The following COLQ variants were observed in gnomAD, a reference collection of about 807,000 sequenced individuals.
The protein encoded by COLQ is acetylcholinesterase collagenic tail peptide.
In COLQ, 48 loss-of-function variants were observed where a neutral mutation model predicts 69.0. The ratio of observed to expected loss-of-function variants is 0.70; its 90% CI spans 0.55 to 0.88. The LOEUF is 0.88. Among genes scored for constraint, COLQ ranks in the 40% least tolerant of loss-of-function variants. COLQ has a pLI of 0.00. For synonymous variants in COLQ, 217 were observed against 211.2 expected (o/e 1.03, Z -0.24); for missense variants, 618 against 594.6 (o/e 1.04, Z -0.41).
At chr3:15,513,195 A>G (rs527879364) in intron 1 of COLQ, among the ~76,000 whole-genome samples, 1 of 152,266 alleles carries the variant, frequency 6.6e-6, no homozygotes, top group East Asian at 1.9e-4. Flanking sequence ...CTGGATCCCA[A>G]CTTCTGCATC....
At chr3:15,487,955 C>T (rs2125136499) in intron 3 of COLQ, among the ~76,000 whole-genome samples, 1 of 152,274 alleles carries the variant, frequency 6.6e-6, no homozygotes, top group East Asian at 1.9e-4. Flanking sequence ...ATTTGATTCC[C>T]CCAAAATTCA....
intron 12 of COLQ, among the ~76,000 whole-genome samples, chr3:15,461,198 G>GCCCC (rs1424356885): frequency 6.9e-6 from 1 of 145,250 alleles, no homozygotes; most frequent in Non-Finnish European, 1.5e-5. Context: ...TTCCCCCCCC[G>GCCCC]ACCTCTTAGC....
At chr3:15,478,813 G>A (rs2062425191) in intron 5 of COLQ, 164 bp downstream of exon 5, 1 of 817,420 alleles carries the variant, frequency 1.2e-6, no homozygotes, top group African/African-American at 1.7e-5. Flanking sequence ...TTGACAGAAA[G>A]GGCAAGGTTA....
At chr3:15,466,600 C>T (rs745394549) in intron 11 of COLQ, among the ~76,000 whole-genome samples, 163 bp from the exon 12 acceptor site, 1 of 152,346 alleles carries the variant, frequency 6.6e-6, no homozygotes, top group South Asian at 2.1e-4. Flanking sequence ...AAGCTTAGGG[C>T]AAGTGACATT....
Position 15,469,090 on chromosome 3 carries a change from C to T in COLQ, c.717+1446G>A, listed in dbSNP as rs191659352. On this transcript the variant is annotated intron_variant, in intron 11 of 16. Coordinates refer to ENST00000383788, the MANE Select transcript of COLQ (RefSeq NM_005677.4). ...ACAATTCGTTATCTCCCAACTGGAA[C>T]GACCCCAACACCGAGGGTTTGCAGC... Among the ~76,000 whole-genome samples the T allele has an allele frequency of 1.2e-4, 18 of 152,288 alleles. 1 individual carries two copies. The highest frequency in any genetic ancestry group is 9.7e-4 in the East Asian group (5 of 5,176).
At chr3:15,508,759 G>A (rs1394820765) in intron 1 of COLQ, among the ~76,000 whole-genome samples, 1 of 151,794 alleles carries the variant, frequency 6.6e-6, no homozygotes, top group Non-Finnish European at 1.5e-5. Context: ...TTGCCCATCC[G>A]ATAGATGAAA....
chr3:15,491,393 C>T (rs1408825331), intron 1 of COLQ, among the ~76,000 whole-genome samples: 1 of 152,190 alleles, frequency 6.6e-6, no homozygotes, highest in African/African-American at 2.4e-5. Context: ...GGCTCTCAAC[C>T]TTGAACCCAG....
chr3:15,509,704 T>TG (rs2062957861), intron 1 of COLQ, among the ~76,000 whole-genome samples: 1 of 152,224 alleles, frequency 6.6e-6, no homozygotes, highest in Non-Finnish European at 1.5e-5. Context: ...ATGGATTGTA[T>TG]ATTCCCCTTT....
intron 1 of COLQ, among the ~76,000 whole-genome samples, chr3:15,505,451 G>A (rs2062896526): frequency 6.6e-6 from 1 of 152,188 alleles, no homozygotes; most frequent in African/African-American, 2.4e-5. Context: ...CCCTTTCCCT[G>A]ACAAGAGAAT....
chr3:15,498,774 G>A, intron 1 of COLQ: 2 of 1,510,420 alleles, frequency 1.3e-6, no homozygotes, highest in Non-Finnish European at 1.8e-6. Flanking sequence ...TGAGCTCCTG[G>A]GAGTAGCAAT....
rs763621361 is a variant in COLQ at position 15,489,491 on chromosome 3, CT to C, written c.219+33del. 6.2e-6 allele frequency: 10 copies of C among 1,606,130 alleles called. No homozygotes were observed. In the South Asian group the frequency reaches 8.8e-5, roughly 14 times the overall value. ...CGTGGTGTGCACTGAGTAGCCTGCACTTTTTTTCCTCTCATAAATCCCAAAG... is the reference window on the plus strand; with the variant it reads ...CGTGGTGTGCACTGAGTAGCCTGCACTTTTTTCCTCTCATAAATCCCAAAG... On this transcript the variant is annotated intron_variant, in intron 2 of 16. Transcript: ENST00000383788.
rs953798711 is a variant in COLQ, at chr3:15,498,879, G to C, written c.107-9242C>G. 25 of 1,356,776 alleles carry C rather than the reference G, an allele frequency of 1.8e-5. No individual in the cohort carries two copies. In the East Asian group the frequency reaches 5.7e-4, roughly 31 times the overall value. The allele number at this position is 1,356,776 out of a possible 1,614,324, so 84.0% of individuals were successfully genotyped here. A position where few individuals can be genotyped will look rare whatever the true frequency, so the allele number is the denominator to read the frequency against. ...TCAGCCCAGGGGAGGATATGAGGTT[G>C]GGAGCCCAGGGATACTTATCCCCCT... On this transcript the variant is annotated intron_variant, in intron 1 of 16. Transcript: ENST00000383788.
intron 1 of COLQ, among the ~76,000 whole-genome samples, chr3:15,497,911 A>G (rs2062770586): frequency 1.3e-5 from 2 of 152,346 alleles, no homozygotes; most frequent in South Asian, 4.1e-4. Context: ...AAACCTTGAA[A>G]GACAAATTCT....
At position 15,474,022 on chromosome 3, in the gene COLQ, A is replaced by T. The variant is rs776357105; in HGVS notation, c.614T>A (p.Phe205Tyr). The change falls in exon 10 of 17, where the codon TTT (phenylalanine) becomes TAT (tyrosine). Residue 205 changes from phenylalanine to tyrosine, a missense_variant. Physicochemically the swap from Phe to Tyr is conservative, Grantham distance 22. Coordinates refer to ENST00000383788, the MANE Select transcript of COLQ (RefSeq NM_005677.4). ...TACTTTCTGCCCCAACATTCCAGGAAATCCTGGGAAACCCTGTGAAAAGAG... is the reference window on the plus strand; with the variant it reads ...TACTTTCTGCCCCAACATTCCAGGATATCCTGGGAAACCCTGTGAAAAGAG... ...GPKGEKGFPG[F>Y]PGMLGQKGEM... The T allele has an allele frequency of 1.9e-6, 3 of 1,614,172 alleles. No individual in the cohort carries two copies. Among genetic ancestry groups the T allele is most frequent in the South Asian group, 2.2e-5 (2 of 91,082 alleles).
intron 11 of COLQ, chr3:15,467,697 G>T (rs2062219438): frequency 2.7e-6 from 1 of 376,064 alleles, no homozygotes; most frequent in African/African-American, 2.1e-5. Flanking sequence ...CCTAATCAGA[G>T]CAGTGATTGA....
intron 3 of COLQ, among the ~76,000 whole-genome samples, chr3:15,487,286 T>C (rs1038465022): frequency 7.9e-5 from 12 of 152,108 alleles, no homozygotes; most frequent in Non-Finnish European, 1.6e-4. Flanking sequence ...AGAAAGAACA[T>C]TCCAAACAGC....
chr3:15,461,761 G>A (rs1434623158), intron 12 of COLQ, among the ~76,000 whole-genome samples: 1 of 152,132 alleles, frequency 6.6e-6, no homozygotes, highest in Non-Finnish European at 1.5e-5. Flanking sequence ...TAGACCAGGG[G>A]AGTTTTAACC....
chr3:15,458,497 A>C (rs2062058728), intron 12 of COLQ, among the ~76,000 whole-genome samples, 172 bp from the exon 13 acceptor site: 1 of 152,236 alleles, frequency 6.6e-6, no homozygotes, highest in African/African-American at 2.4e-5. Flanking sequence ...TGGAGGAGCT[A>C]AGGTAAGAAA....
At chr3:15,493,586 C>A (rs2062703014) in intron 1 of COLQ, among the ~76,000 whole-genome samples, 1 of 152,242 alleles carries the variant, frequency 6.6e-6, no homozygotes, top group South Asian at 2.1e-4. Flanking sequence ...CTGGAACATC[C>A]CCTTGTGGGT....
Sources: allele counts gnomAD v4.1 joint callset (sites outside exome capture counted in the v4.1 genomes callset), GRCh38; gene constraint gnomAD v4.1.1; transcripts MANE v1.5; gene names NCBI Gene and HGNC (gene_info 2026-07-23, HGNC 2026-07-21).